The following WDR41 variants were observed in gnomAD, a reference collection of about 807,000 sequenced individuals.
The protein encoded by WDR41 is WD repeat domain 41.
Under a neutral mutation model 69.3 loss-of-function variants are expected in WDR41, and 63 were observed. That is an observed-to-expected ratio of 0.91 (90% CI 0.74 to 1.12). The LOEUF is 1.12. Among genes scored for constraint, WDR41 ranks in the 50% most tolerant of loss-of-function variants. WDR41 has a pLI of 0.00. For missense variants in WDR41, 543 were observed against 534.5 expected, an observed-to-expected ratio of 1.02 and a Z score of -0.16; for synonymous variants, 185 against 192.1, an observed-to-expected ratio of 0.96 and a Z score of 0.31.
intron 1 of WDR41, among the ~76,000 whole-genome samples, chr5:77,571,831 T>C (rs2112274483): frequency 6.6e-6 from 1 of 152,320 alleles, no homozygotes; most frequent in South Asian, 2.1e-4. Flanking sequence ...AAACCTGAAT[T>C]CTTGGCTCAG....
chr5:77,463,293 T>C (rs2151323773), intron 3 of WDR41, 67 bp from the exon 4 acceptor site: 2 of 1,459,344 alleles, frequency 1.4e-6, no homozygotes, highest in East Asian at 2.3e-5. Flanking sequence ...AATGACTACA[T>C]TAAGTACAAC....
At chr5:77,619,947 A>T (rs1048059356) in intron 1 of WDR41, among the ~76,000 whole-genome samples, 1 of 152,078 alleles carries the variant, frequency 6.6e-6, no homozygotes, top group South Asian at 2.1e-4. Flanking sequence ...TAAAGAGGGG[A>T]CACTAAGGGA....
intron 1 of WDR41, among the ~76,000 whole-genome samples, chr5:77,607,797 T>C (rs1259579226): frequency 6.6e-6 from 1 of 152,226 alleles, no homozygotes; most frequent in African/African-American, 2.4e-5. Context: ...TATAAGTGGA[T>C]TTTAAAATAC....
chr5:77,480,355 C>T (rs1256146965), intron 2 of WDR41, among the ~76,000 whole-genome samples: 1 of 152,038 alleles, frequency 6.6e-6, no homozygotes, highest in Non-Finnish European at 1.5e-5. Flanking sequence ...AATCATGCTG[C>T]TATAAAGACA....
intron 2 of WDR41, among the ~76,000 whole-genome samples, chr5:77,468,168 CATCCTCTCATCCCCTA>C: frequency 6.6e-6 from 1 of 152,236 alleles, no homozygotes; most frequent in East Asian, 1.9e-4. Flanking sequence ...TAGAATGTTT[CATCCTCTCATCCCCTA>C]ATTATGAGAA....
chr5:77,517,412 A>G (rs1232286857), intron 1 of WDR41, among the ~76,000 whole-genome samples: 2 of 152,070 alleles, frequency 1.3e-5, no homozygotes, highest in Non-Finnish European at 2.9e-5. Context: ...AAAAAAACAG[A>G]TCAGACTCAC....
Position 77,453,936 on chromosome 5 carries a change from A to T in WDR41, c.412-8T>A. On this transcript the variant is annotated splice_polypyrimidine_tract_variant and splice_region_variant and intron_variant, in intron 5 of 12. Transcript: ENST00000296679. ...CTGAAGAACAGTTAAACACTGCAAA[A>T]TTTATTTGAAATGTATATCAGGTTA... 1.2e-6 allele frequency: 2 copies of T among 1,601,768 alleles called. No homozygotes were observed.
chr5:77,618,099 A>T (rs143880850), intron 1 of WDR41, among the ~76,000 whole-genome samples: 21 of 152,358 alleles, frequency 1.4e-4, no homozygotes, highest in Admixed American at 9.1e-4. Context: ...ATTGGCTGAG[A>T]GGCCAGAAAG....
intron 1 of WDR41, among the ~76,000 whole-genome samples, chr5:77,594,443 G>T (rs1224409432): frequency 4.0e-5 from 6 of 151,472 alleles, no homozygotes; most frequent in Admixed American, 1.3e-4. Flanking sequence ...AAATAAAAAA[G>T]AAATAAAAAA....
At chr5:77,586,529 T>C (rs1476264908) in intron 1 of WDR41, among the ~76,000 whole-genome samples, 1 of 151,976 alleles carries the variant, frequency 6.6e-6, no homozygotes, top group Non-Finnish European at 1.5e-5. Flanking sequence ...TGGTCTTGAA[T>C]TCCTAGACCC....
At chr5:77,597,427 G>A (rs1026355727) in intron 1 of WDR41, among the ~76,000 whole-genome samples, 18 of 152,160 alleles carry the variant, frequency 1.2e-4, no homozygotes, top group African/African-American at 4.1e-4. Context: ...TCTCTACCTT[G>A]TTTCTGGCCC....
intron 1 of WDR41, among the ~76,000 whole-genome samples, chr5:77,512,022 A>G (rs1470236657): frequency 6.6e-6 from 1 of 152,180 alleles, no homozygotes; most frequent in Non-Finnish European, 1.5e-5. Flanking sequence ...TCCCATTGGG[A>G]ATTCGTAGCC....
At chr5:77,537,889 A>G (rs901581483) in intron 1 of WDR41, among the ~76,000 whole-genome samples, 1 of 152,228 alleles carries the variant, frequency 6.6e-6, no homozygotes, top group Non-Finnish European at 1.5e-5. Flanking sequence ...TGACTGGAGT[A>G]TAGAATAGAC....
At chr5:77,545,863 T>C (rs144109970) in intron 1 of WDR41, 28 of 616,272 alleles carry the variant, frequency 4.5e-5, no homozygotes, top group Non-Finnish European at 7.5e-5. Context: ...AAGCAGTCCA[T>C]TGTCCCTGTG....
chr5:77,510,856 C>G (rs548452245), intron 1 of WDR41, among the ~76,000 whole-genome samples: 1 of 145,942 alleles, frequency 6.9e-6, no homozygotes, highest in East Asian at 2.1e-4. Flanking sequence ...ACTGCAACCT[C>G]TGCCTCCCAG....
intron 1 of WDR41, among the ~76,000 whole-genome samples, chr5:77,596,311 C>A (rs975781584): frequency 6.6e-6 from 1 of 152,060 alleles, no homozygotes; most frequent in Non-Finnish European, 1.5e-5. Flanking sequence ...CCACCCCCAG[C>A]TAAGTTTTGT....
intron 6 of WDR41, 156 bp downstream of exon 6, chr5:77,453,661 C>A: frequency 1.6e-6 from 1 of 613,190 alleles, no homozygotes; most frequent in Non-Finnish European, 2.9e-6. Context: ...TTTTACACAA[C>A]CCCGATCTGA....
chr5:77,607,977 T>C (rs1440539559), intron 1 of WDR41, among the ~76,000 whole-genome samples: 1 of 152,182 alleles, frequency 6.6e-6, no homozygotes, highest in Non-Finnish European at 1.5e-5. Flanking sequence ...AAATAAAATT[T>C]ACCACCTTAT....
chr5:77,598,645 T>C (rs369436240), intron 1 of WDR41, among the ~76,000 whole-genome samples: 29 of 104,498 alleles, frequency 2.8e-4, no homozygotes, highest in African/African-American at 1.1e-3. Context: ...GTAAGTTTCC[T>C]TTTTTTTTTT....
Sources: allele counts gnomAD v4.1 joint callset (sites outside exome capture counted in the v4.1 genomes callset), GRCh38; gene constraint gnomAD v4.1.1; transcripts MANE v1.5; gene names NCBI Gene and HGNC (gene_info 2026-07-23, HGNC 2026-07-21).